Variants in LIMCH1 observed in about 807,000 individuals in gnomAD.
The protein encoded by LIMCH1 is LIM and calponin homology domains 1, also known as LIM and calponin homology domains-containing protein 1.
LIMCH1 carries 113 observed loss-of-function variants against 176.5 expected under a neutral mutation model. That is an observed-to-expected ratio of 0.64 (90% CI 0.55 to 0.75). The LOEUF (loss-of-function observed/expected upper bound fraction) is 0.75, where lower values mean the gene tolerates loss of function less well. Among genes scored for constraint, LIMCH1 ranks in the 30% least tolerant of loss-of-function variants. The pLI is 0.00. For synonymous variants in LIMCH1, 619 were observed against 645.9 expected (o/e 0.96, Z 0.63); for missense variants, 1,674 against 1,814.9 (o/e 0.92, Z 1.41).
chr4:41,623,855 A>C (rs2092760492), intron 7 of LIMCH1, among the ~76,000 whole-genome samples: 1 of 152,238 alleles, frequency 6.6e-6, no homozygotes. Flanking sequence ...CCTGTCAAAC[A>C]ATATATTAGC....
Position 41,631,488 on chromosome 4 carries a change from C to A in LIMCH1, c.1601+11C>A. ...ACAAAATGACTGCAGGTATTTTTTGCCATACGTGTGCAAGGATATCTGCAT... is the reference window on the plus strand; with the variant it reads ...ACAAAATGACTGCAGGTATTTTTTGACATACGTGTGCAAGGATATCTGCAT... On this transcript the variant is annotated intron_variant, in intron 10 of 31. Coordinates refer to ENST00000503057, the MANE Select transcript of LIMCH1 (RefSeq NM_001330672.2). 6.7e-7 allele frequency: 1 copy of A among 1,495,378 alleles called. No individual in the cohort carries two copies. Among genetic ancestry groups the A allele is most frequent in the South Asian group, 1.3e-5 (1 of 75,564 alleles). The allele number at this position is 1,495,378 out of a possible 1,614,324, so 92.6% of individuals were successfully genotyped here.
At chr4:41,668,438 T>A (rs1560305008) in intron 21 of LIMCH1, among the ~76,000 whole-genome samples, 1 of 152,224 alleles carries the variant, frequency 6.6e-6, no homozygotes, top group Admixed American at 6.5e-5. Flanking sequence ...TGTAATTGTG[T>A]AGATAAGTGG....
At chr4:41,380,468 C>A (rs1343396608) in intron 1 of LIMCH1, among the ~76,000 whole-genome samples, 3 of 151,566 alleles carry the variant, frequency 2.0e-5, no homozygotes, top group Admixed American at 1.3e-4. Context: ...TTGATATTTT[C>A]TTTTCTTTCT....
Position 41,599,206 on chromosome 4 carries a change from C to T in LIMCH1, c.-134+180C>T, listed in dbSNP as rs552851180. 114 of 466,144 alleles carry T rather than the reference C, an allele frequency of 2.4e-4. No homozygotes were observed. The Admixed American group carries it at 4.1e-3, about 17-fold the overall frequency. 28.9% of individuals were successfully genotyped at this position (466,144 alleles called of 1,614,324 possible). On this transcript the variant is annotated intron_variant, in intron 2 of 31. Coordinates refer to ENST00000503057, the MANE Select transcript of LIMCH1 (RefSeq NM_001330672.2). ...TGACTTTCCCTCTGTGCATAGCTTT[C>T]ATTCTGATCAAACATCATTTTTTGA...
chr4:41,511,233 C>T (rs923573989), intron 2 of LIMCH1, among the ~76,000 whole-genome samples: 3 of 152,230 alleles, frequency 2.0e-5, no homozygotes, highest in Non-Finnish European at 4.4e-5. Flanking sequence ...CTACAATTCT[C>T]TTTGTGCTTC....
chr4:41,409,179 G>A (rs76892326), intron 1 of LIMCH1, among the ~76,000 whole-genome samples: 4,154 of 152,106 alleles, frequency 0.027, 93 homozygotes, highest in Middle Eastern at 0.051. Context: ...CCAGGGCTTG[G>A]CTGATATTTC....
chr4:41,386,817 A>G (rs1006717222), intron 1 of LIMCH1, among the ~76,000 whole-genome samples: 11 of 152,228 alleles, frequency 7.2e-5, no homozygotes, highest in Non-Finnish European at 8.8e-5. Flanking sequence ...TATCAGTTCA[A>G]TAGTGAGGTT....
intron 1 of LIMCH1, among the ~76,000 whole-genome samples, chr4:41,456,911 G>A (rs891189766): frequency 5.3e-5 from 8 of 152,074 alleles, no homozygotes; most frequent in Non-Finnish European, 1.0e-4. Context: ...CATGTGGCCC[G>A]GGCTCCCTCA....
At chr4:41,467,181 A>G (rs1238624715) in intron 1 of LIMCH1, among the ~76,000 whole-genome samples, 3 of 151,342 alleles carry the variant, frequency 2.0e-5, no homozygotes, top group Non-Finnish European at 4.4e-5. Context: ...ACACACACAC[A>G]CACACACACA....
intron 1 of LIMCH1, among the ~76,000 whole-genome samples, chr4:41,549,880 C>A (rs2080141720): frequency 6.6e-6 from 1 of 152,012 alleles, no homozygotes; most frequent in South Asian, 2.1e-4. Flanking sequence ...TGGATAGATT[C>A]TTTTTATTGA....
At chr4:41,389,919 A>G (rs2057006834) in intron 1 of LIMCH1, among the ~76,000 whole-genome samples, 1 of 152,134 alleles carries the variant, frequency 6.6e-6, no homozygotes, top group African/African-American at 2.4e-5. Context: ...AGCTAAATAG[A>G]TGTCAAATCC....
At chr4:41,542,722 C>G (rs947200863) in intron 1 of LIMCH1, among the ~76,000 whole-genome samples, 1 of 152,142 alleles carries the variant, frequency 6.6e-6, no homozygotes, top group Admixed American at 6.5e-5. Flanking sequence ...TCCATCCCAT[C>G]ATAGCAGCTT....
At chr4:41,666,319 A>G (rs2094824332) in intron 20 of LIMCH1, among the ~76,000 whole-genome samples, 1 of 152,220 alleles carries the variant, frequency 6.6e-6, no homozygotes, top group South Asian at 2.1e-4. Flanking sequence ...TGGTTTGGAG[A>G]AAAGTGGTCA....
intron 1 of LIMCH1, among the ~76,000 whole-genome samples, chr4:41,393,736 A>G (rs1461958928): frequency 1.3e-5 from 2 of 152,246 alleles, no homozygotes; most frequent in Non-Finnish European, 2.9e-5. Context: ...TTTAACCTAT[A>G]AAAATGTATC....
At chr4:41,555,441 G>T (rs756640603) in intron 1 of LIMCH1, among the ~76,000 whole-genome samples, 6 of 152,180 alleles carry the variant, frequency 3.9e-5, no homozygotes, top group Non-Finnish European at 8.8e-5. Flanking sequence ...TGTACTGGGT[G>T]TTGCCCTGAC....
intron 1 of LIMCH1, chr4:41,551,093 A>C (rs1469910368): frequency 6.6e-6 from 1 of 152,174 alleles, no homozygotes; most frequent in Non-Finnish European, 1.5e-5. Context: ...AAAATTCAGA[A>C]TGTTTCTTCT....
chr4:41,409,103 T>A (rs2059249025), intron 1 of LIMCH1, among the ~76,000 whole-genome samples: 1 of 152,238 alleles, frequency 6.6e-6, no homozygotes, highest in Non-Finnish European at 1.5e-5. Flanking sequence ...TGAGGACTTT[T>A]TATTACATAA....
intron 3 of LIMCH1, among the ~76,000 whole-genome samples, chr4:41,605,597 TG>T (rs1437482392): frequency 3.3e-5 from 5 of 152,152 alleles, no homozygotes; most frequent in Non-Finnish European, 7.3e-5. Context: ...TAAAAGATAA[TG>T]TGGGTAGATT....
chr4:41,436,684 G>A (rs1251016356), intron 1 of LIMCH1, among the ~76,000 whole-genome samples: 1 of 152,166 alleles, frequency 6.6e-6, no homozygotes, highest in Non-Finnish European at 1.5e-5. Flanking sequence ...CCAAATTTCT[G>A]TGTGTACTCT....
Sources: allele counts gnomAD v4.1 joint callset (sites outside exome capture counted in the v4.1 genomes callset), GRCh38; gene constraint gnomAD v4.1.1; transcripts MANE v1.5; gene names NCBI Gene and HGNC (gene_info 2026-07-23, HGNC 2026-07-21).